The following GPC5 variants were observed in gnomAD, a reference collection of about 807,000 sequenced individuals.
GPC5 encodes glypican 5, also known as glypican-5.
Under a neutral mutation model 53.9 loss-of-function variants are expected in GPC5, and 47 were observed. That is an observed-to-expected ratio of 0.87 (90% CI 0.69 to 1.11). GPC5 has a LOEUF of 1.11. Ranked by LOEUF, GPC5 falls within the 50% of genes most tolerant of loss-of-function variation. The pLI, the probability that GPC5 is intolerant of heterozygous loss-of-function variation, is 0.00. For missense variants in GPC5, 748 were observed against 713.1 expected, an observed-to-expected ratio of 1.05 and a Z score of -0.56; for synonymous variants, 286 against 263.3, an observed-to-expected ratio of 1.09 and a Z score of -0.84.
At chr13:92,474,878 A>G (rs1444960873) in intron 7 of GPC5, among the ~76,000 whole-genome samples, 1 of 152,100 alleles carries the variant, frequency 6.6e-6, no homozygotes, top group Non-Finnish European at 1.5e-5. Context: ...ATATATTCAG[A>G]AAAATATCTG....
At chr13:92,705,124 T>C (rs1360326117) in intron 7 of GPC5, among the ~76,000 whole-genome samples, 1 of 152,016 alleles carries the variant, frequency 6.6e-6, no homozygotes, top group Non-Finnish European at 1.5e-5. Flanking sequence ...TTAAGTGACA[T>C]ATCTCTAGTG....
At chr13:92,495,626 T>A (rs1594250109) in intron 7 of GPC5, among the ~76,000 whole-genome samples, 1 of 6,862 alleles carries the variant, frequency 1.5e-4, no homozygotes, top group Admixed American at 1.9e-3. Flanking sequence ...TTAAGGAGAC[T>A]TTTTTTTTTT....
intron 7 of GPC5, among the ~76,000 whole-genome samples, chr13:92,713,120 C>A (rs1444174748): frequency 6.6e-6 from 1 of 152,116 alleles, no homozygotes; most frequent in Admixed American, 6.6e-5. Context: ...CACTTACACA[C>A]ACATGGAAGA....
At chr13:91,936,960 C>T (rs1193583526) in intron 6 of GPC5, among the ~76,000 whole-genome samples, 2 of 152,034 alleles carry the variant, frequency 1.3e-5, no homozygotes, top group African/African-American at 4.8e-5. Flanking sequence ...TGCTCTACTG[C>T]TGACGGCTTA....
chr13:92,816,594 TA>T (rs1391796896), intron 7 of GPC5, among the ~76,000 whole-genome samples: 1 of 152,050 alleles, frequency 6.6e-6, no homozygotes, highest in Non-Finnish European at 1.5e-5. Context: ...TGCTTTCACT[TA>T]ATTGTACTGT....
chr13:91,906,982 T>TA (rs1219128271), intron 5 of GPC5, among the ~76,000 whole-genome samples: 4 of 149,834 alleles, frequency 2.7e-5, no homozygotes, highest in African/African-American at 9.7e-5. Context: ...TATATATTTT[T>TA]TATATATTTT....
At chr13:92,472,548 T>G (rs1878953466) in intron 7 of GPC5, among the ~76,000 whole-genome samples, 1 of 152,108 alleles carries the variant, frequency 6.6e-6, no homozygotes, top group African/African-American at 2.4e-5. Context: ...TAGAACAGCT[T>G]GTTCAGAGCC....
intron 7 of GPC5, among the ~76,000 whole-genome samples, chr13:92,817,231 A>G (rs1357522071): frequency 3.3e-5 from 5 of 152,186 alleles, no homozygotes; most frequent in Non-Finnish European, 5.9e-5. Flanking sequence ...GTTACAATGA[A>G]GCAGAAAATA....
rs569311010 is a variant in GPC5 at position 92,401,096 on chromosome 13, C to T, written c.1561+256107C>T. On this transcript the variant is annotated intron_variant, in intron 7 of 7. Coordinates refer to ENST00000377067, the MANE Select transcript of GPC5 (RefSeq NM_004466.6). ...TGGAGCTTTCAGTGACAGACCTGTA[C>T]AGTAGACTGTTGAATTGGCCAATAA... Among the ~76,000 whole-genome samples, 3 of 151,828 alleles carry T rather than the reference C, an allele frequency of 2.0e-5. No homozygotes were observed. In the East Asian group the frequency reaches 5.8e-4, roughly 29 times the overall value.
rs890775874 is a variant in GPC5 at position 92,264,158 on chromosome 13, C to A, written c.1561+119169C>A. ...TATCATATTTAAAAGTACTATCAAC[C>A]CTATGATATTCCCTTTTGTATGCTA... is the stretch of plus-strand genomic sequence containing the variant. On this transcript the variant is annotated intron_variant, in intron 7 of 7. Transcript: ENST00000377067. Among the ~76,000 whole-genome samples, 3 of 151,720 alleles carry A rather than the reference C, an allele frequency of 2.0e-5. No individual in the cohort carries two copies. In the South Asian group the frequency reaches 6.3e-4, roughly 32 times the overall value.
Position 92,199,283 on chromosome 13 carries a change from G to A in GPC5, c.1561+54294G>A, listed in dbSNP as rs573539013. On this transcript the variant is annotated intron_variant, in intron 7 of 7. Transcript: ENST00000377067. Reference sequence around the variant, plus strand: ...CTGTGTCTTTCAGTCTCCACAATCAGCAACTTCTAGCCTGACCCACTCAAT... The same window carrying A: ...CTGTGTCTTTCAGTCTCCACAATCAACAACTTCTAGCCTGACCCACTCAAT... Among the ~76,000 whole-genome samples, 76 of 152,282 alleles carry A rather than the reference G, an allele frequency of 5.0e-4. 1 individual carries two copies. Among genetic ancestry groups the A allele is most frequent in the African/African-American group, 1.3e-3 (55 of 41,554 alleles).
intron 7 of GPC5, among the ~76,000 whole-genome samples, chr13:92,496,917 T>C (rs1880001717): frequency 6.6e-6 from 1 of 152,118 alleles, no homozygotes. Flanking sequence ...CTGAGGGGCA[T>C]AGGGCAGAGT....
intron 6 of GPC5, among the ~76,000 whole-genome samples, chr13:92,098,753 T>C (rs781360187): frequency 1.6e-4 from 25 of 152,134 alleles, no homozygotes; most frequent in Admixed American, 3.9e-4. Context: ...CAAGGGTCTT[T>C]AAAAGTAGAA....
At chr13:92,696,257 C>T (rs1887551927) in intron 7 of GPC5, among the ~76,000 whole-genome samples, 1 of 152,086 alleles carries the variant, frequency 6.6e-6, no homozygotes, top group Admixed American at 6.6e-5. Flanking sequence ...GTTCTAGATC[C>T]TTGAGGAATC....
chr13:91,504,380 C>T (rs1366310343), intron 2 of GPC5, among the ~76,000 whole-genome samples: 1 of 151,904 alleles, frequency 6.6e-6, no homozygotes, highest in African/African-American at 2.4e-5. Flanking sequence ...TCATTAATAA[C>T]ATTATTCTAT....
intron 2 of GPC5, among the ~76,000 whole-genome samples, chr13:91,667,529 C>T (rs1344462320): frequency 1.3e-5 from 2 of 152,134 alleles, no homozygotes; most frequent in Non-Finnish European, 2.9e-5. Context: ...CTGCTAGATG[C>T]AACTTGAAAC....
intron 7 of GPC5, among the ~76,000 whole-genome samples, chr13:92,201,703 G>T (rs547856302): frequency 6.6e-5 from 10 of 152,268 alleles, no homozygotes; most frequent in African/African-American, 2.4e-4. Flanking sequence ...GGGGGAGATT[G>T]CTAGATGTCT....
intron 6 of GPC5, among the ~76,000 whole-genome samples, chr13:92,057,858 C>A (rs1225988326): frequency 1.3e-5 from 2 of 152,070 alleles, no homozygotes; most frequent in Non-Finnish European, 2.9e-5. Context: ...TTATATCTAA[C>A]CTGTAAAGCA....
At chr13:92,447,573 C>T (rs1238160904) in intron 7 of GPC5, 1 of 151,958 alleles carries the variant, frequency 6.6e-6, no homozygotes, top group African/African-American at 2.4e-5. Flanking sequence ...ACTCAACAAA[C>T]TTCAAATGAT....
Sources: gnomAD v4.1 joint callset for allele counts (sites outside exome capture counted in the v4.1 genomes callset) on GRCh38, gnomAD v4.1.1 for gene constraint, MANE v1.5 for transcripts, NCBI Gene and HGNC (gene_info 2026-07-23, HGNC 2026-07-21) for gene names.